The following DIPK1A variants were observed in gnomAD, a reference collection of about 807,000 sequenced individuals.
The protein encoded by DIPK1A is family with sequence similarity 69 member A.
A neutral mutation model predicts 40.8 loss-of-function variants in DIPK1A; 27 were observed. The ratio of observed to expected loss-of-function variants is 0.66; its 90% confidence interval spans 0.49 to 0.91. The LOEUF (loss-of-function observed/expected upper bound fraction) is 0.91. DIPK1A is among the 40% of genes least tolerant of loss of function. DIPK1A has a pLI of 0.00. For missense variants in DIPK1A, 412 were observed against 505.7 expected, an observed-to-expected ratio of 0.81 and a Z score of 1.78; for synonymous variants, 166 against 171.3, an observed-to-expected ratio of 0.97 and a Z score of 0.24.
downstream of DIPK1A, chr1:92,840,664 T>C: frequency 1.3e-6 from 2 of 1,575,722 alleles, no homozygotes; most frequent in Non-Finnish European, 1.7e-6. Flanking sequence ...TTTTTGTCTT[T>C]TCAAGAAAAC....
At chr1:92,849,488 T>C (rs755696834) in intron 3 of DIPK1A, among the ~76,000 whole-genome samples, 2 of 151,264 alleles carry the variant, frequency 1.3e-5, no homozygotes, top group East Asian at 2.0e-4. Flanking sequence ...GCTGGGACCA[T>C]AGGTGTGTGC....
At position 92,844,020 on chromosome 1, in the gene DIPK1A, T is replaced by G; in HGVS notation, c.650A>C (p.Lys217Thr). ...VILQDKEHTP[K>T]LMGFCGDLYV... ...GAGGTCACCACAGAATCCCATTAAT[T>G]TGGGGGTATGTTCTTTATCTTGAAG... The change falls in exon 5 of 5, where the codon AAA becomes ACA. Residue 217 changes from lysine to threonine, a missense_variant. Physicochemically the swap from Lys to Thr is moderately conservative, Grantham distance 78 (BLOSUM62 -1). Transcript: ENST00000370310. 6.4e-7 allele frequency: 1 copy of G among 1,552,158 alleles called. No homozygotes were observed. Among genetic ancestry groups the G allele is most frequent in the Non-Finnish European group, 8.7e-7 (1 of 1,147,072 alleles).
intron 1 of DIPK1A, among the ~76,000 whole-genome samples, chr1:92,947,866 T>C (rs556375003): frequency 6.6e-6 from 1 of 152,136 alleles, no homozygotes; most frequent in East Asian, 1.9e-4. Context: ...TAGAAATAGA[T>C]AGTAGAATGG....
At chr1:92,944,516 A>G (rs889447394) in intron 1 of DIPK1A, among the ~76,000 whole-genome samples, 1 of 152,228 alleles carries the variant, frequency 6.6e-6, no homozygotes, top group Non-Finnish European at 1.5e-5. Context: ...GCAACAGGGG[A>G]TATCAGAAGT....
chr1:92,935,923 A>G (rs764911216), intron 1 of DIPK1A, among the ~76,000 whole-genome samples: 1 of 152,082 alleles, frequency 6.6e-6, no homozygotes, highest in Non-Finnish European at 1.5e-5. Context: ...AAATAGGAAG[A>G]TAAAAATTAG....
At chr1:92,948,019 T>C (rs1651441688) in intron 1 of DIPK1A, among the ~76,000 whole-genome samples, 1 of 152,226 alleles carries the variant, frequency 6.6e-6, no homozygotes, top group Non-Finnish European at 1.5e-5. Context: ...CAATAATTTA[T>C]TGCATATTTT....
intron 1 of DIPK1A, among the ~76,000 whole-genome samples, chr1:92,886,517 A>AT (rs111781575): frequency 4.4e-4 from 65 of 148,590 alleles, no homozygotes; most frequent in East Asian, 9.9e-4. Flanking sequence ...TTAAATATCA[A>AT]TTTTTTTTTT....
intron 1 of DIPK1A, among the ~76,000 whole-genome samples, chr1:92,927,968 T>C (rs1022747201): frequency 2.0e-5 from 3 of 152,244 alleles, no homozygotes; most frequent in African/African-American, 7.2e-5. Flanking sequence ...CCACTGGGTA[T>C]ATATCTAGGA....
downstream of DIPK1A, chr1:92,841,692 TA>T (rs1369205554): frequency 2.1e-6 from 2 of 937,918 alleles, no homozygotes; most frequent in African/African-American, 1.7e-5. Flanking sequence ...AATTAAATTT[TA>T]TTAAAATTTT....
chr1:92,843,471 G>A lies in DIPK1A; in HGVS notation c.1199C>T (p.Ala400Val). Residue 400 changes from alanine to valine, a missense_variant, in exon 5 of 5, where the codon GCA becomes GTA. By Grantham distance (64) the Ala-to-Val change is moderately conservative. Coordinates refer to ENST00000370310, the MANE Select transcript of DIPK1A (RefSeq NM_001006605.5). ...AGAATGTTCCATTTCCATTTGATTT[G>A]CTGTGACTTTGAGAGCAATACAAGA... ...LYSCIALKVTANQMEMEHSLI... is the reference protein window; with the variant it reads ...LYSCIALKVTVNQMEMEHSLI... The A allele has an allele frequency of 6.4e-7, 1 of 1,551,360 alleles. No individual in the cohort carries two copies. Among genetic ancestry groups the A allele is most frequent in the African/African-American group, 1.4e-5 (1 of 73,162 alleles).
intron 1 of DIPK1A, among the ~76,000 whole-genome samples, chr1:92,941,258 A>G (rs1651140960): frequency 1.3e-5 from 2 of 152,144 alleles, no homozygotes. Context: ...TTTTGTTTTT[A>G]TAACTTTAAG....
intron 1 of DIPK1A, among the ~76,000 whole-genome samples, chr1:92,889,171 G>A (rs1648743932): frequency 6.6e-6 from 1 of 152,100 alleles, no homozygotes; most frequent in Non-Finnish European, 1.5e-5. Flanking sequence ...TCCATTTTGA[G>A]TTGACTTTTA....
intron 4 of DIPK1A, chr1:92,836,123 TA>T: frequency 7.0e-7 from 1 of 1,432,438 alleles, no homozygotes; most frequent in South Asian, 1.2e-5. Context: ...GGTTATGACA[TA>T]AGCTATTTTA....
At chr1:92,946,576 T>C (rs1414757833) in intron 1 of DIPK1A, among the ~76,000 whole-genome samples, 1 of 152,208 alleles carries the variant, frequency 6.6e-6, no homozygotes, top group Non-Finnish European at 1.5e-5. Context: ...TGGAGAGGGA[T>C]AATGATGTGA....
chr1:92,920,807 G>T (rs976524228), intron 1 of DIPK1A, among the ~76,000 whole-genome samples: 3 of 152,186 alleles, frequency 2.0e-5, no homozygotes, highest in African/African-American at 7.2e-5. Context: ...CAGAGGCAGG[G>T]CAATACATCG....
At position 92,859,322 on chromosome 1, in the gene DIPK1A, T is replaced by G. The variant is rs377241772; in HGVS notation, c.190-8367A>C. 4.6e-5 allele frequency among the ~76,000 whole-genome samples: 7 copies of G among 152,248 alleles called. No homozygotes were observed. The East Asian group carries it at 9.7e-4, about 21-fold the overall frequency. On this transcript the variant is annotated intron_variant, in intron 2 of 4. Coordinates refer to ENST00000370310, the MANE Select transcript of DIPK1A (RefSeq NM_001006605.5). ...TTCCCCGTATCAACGATACTAAATC[T>G]TCACCATTTTCTAGACTTGCACTTC...
chr1:92,895,732 C>G (rs957558165), intron 1 of DIPK1A, among the ~76,000 whole-genome samples: 2 of 152,120 alleles, frequency 1.3e-5, no homozygotes, highest in Non-Finnish European at 2.9e-5. Flanking sequence ...TTGCAGATGA[C>G]ATGATTGTAT....
At chr1:92,853,067 CA>C (rs1356876542) in intron 2 of DIPK1A, among the ~76,000 whole-genome samples, 1 of 151,646 alleles carries the variant, frequency 6.6e-6, no homozygotes, top group African/African-American at 2.4e-5. Context: ...ATAACAACAA[CA>C]AAAAACTTTG....
Position 92,961,402 on chromosome 1 carries a change from A to C in DIPK1A, c.28T>G (p.Trp10Gly). The change falls in exon 1 of 5, where the codon TGG becomes GGG. Residue 10 changes from tryptophan to glycine, a missense_variant. Transcript: ENST00000370310. ...TGGAGGTAATAGGGTTTCCTTAGCC[A>C]GGCCCCCGGACAGAGACTCCTCGCC... MARSLCPGA[W>G]LRKPYYLQAR... is the part of the protein sequence containing the mutation. The C allele has an allele frequency of 6.5e-7, 1 of 1,531,076 alleles. No homozygotes were observed. Among genetic ancestry groups the C allele is most frequent in the South Asian group, 1.2e-5 (1 of 84,578 alleles). The allele number at this position is 1,531,076 out of a possible 1,614,324, so 94.8% of individuals were successfully genotyped here.
Sources: gnomAD v4.1 joint callset for allele counts (sites outside exome capture counted in the v4.1 genomes callset) on GRCh38, gnomAD v4.1.1 for gene constraint, MANE v1.5 for transcripts, NCBI Gene and HGNC (gene_info 2026-07-23, HGNC 2026-07-21) for gene names.